Variants in EPRS1 observed in about 807,000 individuals in gnomAD.
EPRS1 encodes the protein glutamyl-prolyl-tRNA synthetase 1, also known as bifunctional glutamate/proline--tRNA ligase.
Under a neutral mutation model 188.3 loss-of-function variants are expected in EPRS1, and 107 were observed. That is an observed-to-expected ratio of 0.57 (90% confidence interval 0.49 to 0.67). The LOEUF (loss-of-function observed/expected upper bound fraction) is 0.67, where lower values mean the gene tolerates loss of function less well. Among genes scored for constraint, EPRS1 ranks in the 30% least tolerant of loss-of-function variants. The probability of loss-of-function intolerance (pLI) is 0.00; values close to 1 mark genes in which losing one functional copy is unlikely to be tolerated. For synonymous variants in EPRS1, 596 were observed against 593.1 expected (o/e 1.00, Z -0.07); for missense variants, 1,577 against 1,802.2 (o/e 0.88, Z 2.26).
chr1:220,041,795 G>A (rs1233080190), intron 1 of EPRS1, among the ~76,000 whole-genome samples: 1 of 151,440 alleles, frequency 6.6e-6, no homozygotes. Context: ...AGCCAAGATT[G>A]CACTATTGCA....
At chr1:220,043,585 C>T (rs1415555068) in intron 1 of EPRS1, among the ~76,000 whole-genome samples, 2 of 152,042 alleles carry the variant, frequency 1.3e-5, no homozygotes, top group Non-Finnish European at 2.9e-5. Flanking sequence ...AATGCATCTG[C>T]CCATTAAAAT....
intron 7 of EPRS1, 46 bp downstream of exon 7, chr1:220,025,086 T>C: frequency 1.3e-6 from 2 of 1,583,722 alleles, no homozygotes; most frequent in Non-Finnish European, 1.7e-6. Context: ...TCCTGTAACT[T>C]TAATTCACTT....
At chr1:220,006,892 C>G (rs551401864) in intron 14 of EPRS1, among the ~76,000 whole-genome samples, 1 of 152,122 alleles carries the variant, frequency 6.6e-6, no homozygotes, top group African/African-American at 2.4e-5. Flanking sequence ...CTAAAAGATC[C>G]CCATGTCATG....
At chr1:220,022,625 CCT>C in intron 8 of EPRS1, 107 bp from the exon 9 acceptor site, 1 of 910,792 alleles carries the variant, frequency 1.1e-6, no homozygotes, top group South Asian at 1.8e-5. Context: ...TTATAACCAC[CCT>C]GTGTTAGTTT....
At position 219,997,028 on chromosome 1, in the gene EPRS1, T is replaced by C. The variant is rs1280706124; in HGVS notation, c.2496A>G (p.Ala832=). 1.9e-6 allele frequency: 3 copies of C among 1,612,434 alleles called. No homozygotes were observed. Among genetic ancestry groups the C allele is most frequent in the Admixed American group, 1.7e-5 (1 of 59,892 alleles). The change falls in exon 18 of 32, where the codon GCA becomes GCG. Residue 832 remains alanine (A), a synonymous_variant. Coordinates refer to ENST00000366923, the MANE Select transcript of EPRS1 (RefSeq NM_004446.3). The stretch of plus-strand genomic sequence containing the variant: ...TTAGCTTACGAACCACCTCCCCTTG[T>C]GCAGCAACTTCATCATACAGAGATT... ...ESKSLYDEVA[A]QGEVVRKLKA...
chr1:219,973,931 C>T (rs563187976), intron 28 of EPRS1, among the ~76,000 whole-genome samples: 2 of 151,898 alleles, frequency 1.3e-5, no homozygotes, highest in Non-Finnish European at 2.9e-5. Context: ...GTTGGGGATG[C>T]GACCTGAGAA....
chr1:219,971,703 C>A (rs576627718), intron 30 of EPRS1, among the ~76,000 whole-genome samples: 3 of 146,342 alleles, frequency 2.0e-5, no homozygotes, highest in Non-Finnish European at 3.0e-5. Context: ...GAAAAAAAAA[C>A]TTACATAATC....
intron 25 of EPRS1, 52 bp downstream of exon 25, chr1:219,980,704 A>G: frequency 7.6e-7 from 1 of 1,308,932 alleles, no homozygotes; most frequent in Non-Finnish European, 1.1e-6. Context: ...AAATTGCAGA[A>G]CCTGAACAAA....
rs542234799 is a variant in EPRS1, at chr1:220,005,388, A to C, written c.1951-28T>G. On this transcript the variant is annotated intron_variant, in intron 15 of 31. Transcript: ENST00000366923. ...GTAAAGATGATATAAACCAAAGTACACTTTCTCAAAATCATAGTAGTAAAA... is the reference window on the plus strand; with the variant it reads ...GTAAAGATGATATAAACCAAAGTACCCTTTCTCAAAATCATAGTAGTAAAA... 6 of 1,131,508 alleles carry C rather than the reference A, an allele frequency of 5.3e-6. No homozygotes were observed. The South Asian group carries it at 8.5e-5, about 16-fold the overall frequency. 70.1% of individuals were successfully genotyped at this position (1,131,508 alleles called of 1,614,324 possible).
At position 220,011,032 on chromosome 1, in the gene EPRS1, A is replaced by G; in HGVS notation, c.1519T>C (p.Tyr507His). The G allele has an allele frequency of 1.2e-6, 2 of 1,612,050 alleles. No individual in the cohort carries two copies. Among genetic ancestry groups the G allele is most frequent in the Non-Finnish European group, 1.7e-6 (2 of 1,178,174 alleles). The part of the protein sequence containing the change: ...KKVIDPVAPR[Y>H]VALLKKEVIP... ...ACTTCTTTCTTCAGTAATGCAACAT[A>G]TCGTGGAGCCACTGGGTCAATAACC... Residue 507 changes from tyrosine to histidine, a missense_variant, in exon 13 of 32, where the codon TAT becomes CAT. Around this residue, in one of 3 missense-constraint regions of EPRS1, gnomAD observed 1,278 missense variants for 1,457.4 expected, o/e 0.88. Transcript: ENST00000366923.
At chr1:220,005,829 G>GTTTTTTTTTT (rs879818549) in intron 15 of EPRS1, among the ~76,000 whole-genome samples, 5 of 45,726 alleles carry the variant, frequency 1.1e-4, no homozygotes, top group African/African-American at 2.7e-4. Flanking sequence ...TTTTTTTTTT[G>GTTTTTTTTTT]TTTTTTTTTT....
chr1:220,003,424 A>AT (rs1490975573), intron 16 of EPRS1, among the ~76,000 whole-genome samples: 2 of 151,880 alleles, frequency 1.3e-5, no homozygotes, highest in East Asian at 1.9e-4. Flanking sequence ...AGTCCAATTT[A>AT]TTTTTTTTCT....
intron 17 of EPRS1, among the ~76,000 whole-genome samples, chr1:220,000,215 T>C (rs1661323848): frequency 6.6e-6 from 1 of 152,186 alleles, no homozygotes; most frequent in Admixed American, 6.5e-5. Flanking sequence ...ATGTAAAAAA[T>C]GATAGGCACA....
intron 30 of EPRS1, 130 bp downstream of exon 30, chr1:219,971,939 G>T: frequency 2.5e-6 from 1 of 406,672 alleles, no homozygotes; most frequent in Non-Finnish European, 4.5e-6. Flanking sequence ...ACATATAAAT[G>T]TTGAGTAATG....
chr1:220,042,469 A>T (rs1662314803), intron 1 of EPRS1, among the ~76,000 whole-genome samples: 1 of 151,018 alleles, frequency 6.6e-6, no homozygotes, highest in African/African-American at 2.4e-5. Context: ...GAGCAACAAG[A>T]ATGAAACCCC....
At chr1:220,026,530 TTTTG>T (rs1292929250) in intron 6 of EPRS1, among the ~76,000 whole-genome samples, 4 of 151,594 alleles carry the variant, frequency 2.6e-5, no homozygotes, top group African/African-American at 4.8e-5. Flanking sequence ...GTTGTTGTTG[TTTTG>T]TTTGTTTTTT....
chr1:219,991,520 G>A (rs1311575674), intron 18 of EPRS1, among the ~76,000 whole-genome samples: 1 of 152,118 alleles, frequency 6.6e-6, no homozygotes, highest in African/African-American at 2.4e-5. Flanking sequence ...AACTGAGTGA[G>A]GGAAGAGAGT....
intron 28 of EPRS1, among the ~76,000 whole-genome samples, chr1:219,977,878 A>C (rs1328870317): frequency 6.6e-6 from 1 of 152,124 alleles, no homozygotes; most frequent in Non-Finnish European, 1.5e-5. Context: ...ACATTCTCTC[A>C]TACTGTCACC....
In EPRS1 at chr1:219,968,940, G is replaced by T. The variant is rs1660616235; in HGVS notation, c.4405C>A (p.Pro1469Thr). The T allele has an allele frequency of 3.1e-6, 5 of 1,614,094 alleles. No individual in the cohort carries two copies. Among genetic ancestry groups the T allele is most frequent in the Non-Finnish European group, 4.2e-6 (5 of 1,179,968 alleles). The change falls in exon 32 of 32, where the codon CCT (proline) becomes ACT (threonine). Residue 1469 changes from proline (P) to threonine (T), a missense_variant. Transcript: ENST00000366923. ...KTTARDQDLE[P>T]GAPSMGAKSL... ...TTAGCTCCCATGGATGGAGCACCAG[G>T]TTCAAGATCTTGATCCCTGAAATTA...
Sources: allele counts gnomAD v4.1 joint callset (sites outside exome capture counted in the v4.1 genomes callset), GRCh38; gene constraint gnomAD v4.1.1; regional missense constraint gnomAD v4.1.1; transcripts MANE v1.5; gene names NCBI Gene and HGNC (gene_info 2026-07-23, HGNC 2026-07-21).